MRTFB: variants seen among roughly 807,000 people sequenced by gnomAD.
MRTFB encodes the protein myocardin-related transcription factor B.
In MRTFB, 29 loss-of-function variants were observed where a neutral mutation model predicts 104.2. The observed-to-expected ratio is 0.28, with a 90% CI of 0.21 to 0.38. The LOEUF is 0.38. Among genes scored for constraint, MRTFB ranks in the 10% least tolerant of loss-of-function variants. MRTFB has a pLI of 1.00. For synonymous variants in MRTFB, 535 were observed against 519.5 expected (o/e 1.03, Z -0.41); for missense variants, 1,270 against 1,341.6 (o/e 0.95, Z 0.83).
At chr16:14,017,667 T>TTG in the MRTFB span, among the ~76,000 whole-genome samples, 563 of 49,268 alleles carry the variant, frequency 0.011, 76 homozygotes, top group African/African-American at 0.027. Flanking sequence ...GTGTGTGTAT[T>TTG]TGTGTGTGTG....
chr16:14,105,733 A>T (rs4781570), intron 2 of MRTFB, among the ~76,000 whole-genome samples: 13,656 of 152,170 alleles, frequency 0.09, 824 homozygotes, highest in East Asian at 0.29. Context: ...AATTAATAAG[A>T]TGCTGTCCTT....
At chr16:14,138,690 A>T (rs546637516) in intron 2 of MRTFB, among the ~76,000 whole-genome samples, 1 of 152,308 alleles carries the variant, frequency 6.6e-6, no homozygotes, top group East Asian at 1.9e-4. Context: ...AGAGACTTGG[A>T]GCACAGTGCA....
chr16:14,012,545 A>T, the MRTFB span, among the ~76,000 whole-genome samples: 1 of 151,772 alleles, frequency 6.6e-6, no homozygotes, highest in African/African-American at 2.4e-5. Flanking sequence ...AGATCTGCCC[A>T]CCTTGGCCTC....
At chr16:14,230,511 A>G (rs2042210190) in intron 8 of MRTFB, among the ~76,000 whole-genome samples, 1 of 152,188 alleles carries the variant, frequency 6.6e-6, no homozygotes, top group African/African-American at 2.4e-5. Flanking sequence ...ACATTTATGC[A>G]GCCAAAAAAC....
chr16:14,039,416 C>T, the MRTFB span, among the ~76,000 whole-genome samples: 1 of 152,116 alleles, frequency 6.6e-6, no homozygotes, highest in South Asian at 2.1e-4. Context: ...GAATAGAGCA[C>T]AGGTCAGCCC....
At chr16:14,108,583 G>A (rs928006633) in intron 2 of MRTFB, among the ~76,000 whole-genome samples, 2 of 152,154 alleles carry the variant, frequency 1.3e-5, no homozygotes, top group African/African-American at 4.8e-5. Context: ...TGGCCACTTT[G>A]TAGAAATTTG....
At chr16:14,150,017 G>A (rs1277800624) in intron 3 of MRTFB, among the ~76,000 whole-genome samples, 2 of 152,110 alleles carry the variant, frequency 1.3e-5, no homozygotes, top group Non-Finnish European at 2.9e-5. Flanking sequence ...GCACACATAC[G>A]GCACATCTTA....
intron 2 of MRTFB, among the ~76,000 whole-genome samples, chr16:14,121,270 CAG>C (rs1283619769): frequency 6.8e-6 from 1 of 146,726 alleles, no homozygotes; most frequent in Admixed American, 6.8e-5. Flanking sequence ...TGAATTGAAT[CAG>C]AAAAAAAAAG....
intron 3 of MRTFB, among the ~76,000 whole-genome samples, chr16:14,199,818 C>T (rs1467663862): frequency 6.6e-6 from 1 of 152,192 alleles, no homozygotes; most frequent in Non-Finnish European, 1.5e-5. Flanking sequence ...TTGAAAACCA[C>T]GGTAAATATT....
intron 2 of MRTFB, among the ~76,000 whole-genome samples, chr16:14,124,620 C>T (rs144217817): frequency 2.0e-5 from 3 of 151,890 alleles, no homozygotes; most frequent in East Asian, 3.9e-4. Flanking sequence ...GAAGCCGACT[C>T]GTGGTGGATG....
the MRTFB span, among the ~76,000 whole-genome samples, chr16:14,028,031 G>T: frequency 6.6e-6 from 1 of 152,136 alleles, no homozygotes; most frequent in Non-Finnish European, 1.5e-5. Context: ...ACAAAAATTA[G>T]TCAGGCATGG....
chr16:14,111,433 C>G (rs1189280171), intron 2 of MRTFB, among the ~76,000 whole-genome samples: 3 of 152,152 alleles, frequency 2.0e-5, no homozygotes, highest in Non-Finnish European at 4.4e-5. Context: ...GGTAGAAAAT[C>G]CCCACTTGCT....
At chr16:14,096,158 C>T (rs2142010521) in intron 2 of MRTFB, among the ~76,000 whole-genome samples, 1 of 152,136 alleles carries the variant, frequency 6.6e-6, no homozygotes, top group East Asian at 1.9e-4. Flanking sequence ...CCCACTGCAA[C>T]CTCCGCCTCC....
At chr16:14,114,568 T>C (rs2036438554) in intron 2 of MRTFB, among the ~76,000 whole-genome samples, 1 of 152,224 alleles carries the variant, frequency 6.6e-6, no homozygotes. Context: ...TCCACCATGC[T>C]TGTGCTGGCT....
At chr16:14,084,158 A>T (rs757016310) in intron 2 of MRTFB, among the ~76,000 whole-genome samples, 1 of 152,232 alleles carries the variant, frequency 6.6e-6, no homozygotes, top group Non-Finnish European at 1.5e-5. Context: ...ACTATAGGTC[A>T]ACTGACTGTT....
At chr16:14,256,160 T>A (rs1458422936) in intron 15 of MRTFB, among the ~76,000 whole-genome samples, 1 of 146,222 alleles carries the variant, frequency 6.8e-6, no homozygotes, top group Non-Finnish European at 1.5e-5. Flanking sequence ...AATGTCAAAT[T>A]TTTTTTTAAG....
At chr16:14,094,929 G>T (rs1005176142) in intron 2 of MRTFB, among the ~76,000 whole-genome samples, 3 of 152,188 alleles carry the variant, frequency 2.0e-5, no homozygotes, top group South Asian at 4.2e-4. Flanking sequence ...CTAATTATTT[G>T]CTTGTATGAT....
chr16:14,170,800 G>A (rs1013024209), intron 3 of MRTFB, among the ~76,000 whole-genome samples: 7 of 152,014 alleles, frequency 4.6e-5, no homozygotes, highest in African/African-American at 1.2e-4. Context: ...CTTTATTGAC[G>A]GTGTTTGAAA....
At chr16:14,244,124 C>T (rs901702392) in intron 10 of MRTFB, among the ~76,000 whole-genome samples, 4 of 152,118 alleles carry the variant, frequency 2.6e-5, no homozygotes, top group African/African-American at 9.7e-5. Flanking sequence ...ATGATCTGCC[C>T]GCTTCAGCCT....
Sources: gnomAD v4.1 joint callset for allele counts (sites outside exome capture counted in the v4.1 genomes callset) on GRCh38, gnomAD v4.1.1 for gene constraint, MANE v1.5 for transcripts, NCBI Gene and HGNC (gene_info 2026-07-23, HGNC 2026-07-21) for gene names.